ADGRL2: variants seen among roughly 807,000 people sequenced by gnomAD.
ADGRL2 encodes calcium-independent alpha-latrotoxin receptor 2.
Under a neutral mutation model 157.4 loss-of-function variants are expected in ADGRL2, and 44 were observed. That is an observed-to-expected ratio of 0.28 (90% CI 0.22 to 0.36). The LOEUF is 0.36. Among genes scored for constraint, ADGRL2 ranks in the 10% least tolerant of loss-of-function variants. The pLI is 1.00. For missense variants in ADGRL2, 1,510 were observed against 1,768.9 expected (o/e 0.85, Z 2.63); for synonymous variants, 585 against 624.7 (o/e 0.94, Z 0.95).
chr1:81,961,319 A>T (rs1240601521), intron 11 of ADGRL2, among the ~76,000 whole-genome samples: 1 of 152,128 alleles, frequency 6.6e-6, no homozygotes, highest in East Asian at 1.9e-4. Flanking sequence ...GGAAAAAGAA[A>T]ATCATAGATA....
intron 1 of ADGRL2, among the ~76,000 whole-genome samples, chr1:81,320,813 T>A (rs1284411356): frequency 1.3e-5 from 2 of 152,184 alleles, no homozygotes; most frequent in Non-Finnish European, 2.9e-5. Context: ...GCATAATTCT[T>A]AAGGGCCCTA....
At chr1:81,471,779 A>G (rs1371986844) in intron 2 of ADGRL2, among the ~76,000 whole-genome samples, 1 of 152,228 alleles carries the variant, frequency 6.6e-6, no homozygotes, top group East Asian at 1.9e-4. Context: ...AAAACTGGAT[A>G]AGACCTAAAT....
chr1:81,420,568 G>A (rs1412522006), intron 1 of ADGRL2, among the ~76,000 whole-genome samples: 1 of 152,214 alleles, frequency 6.6e-6, no homozygotes, highest in African/African-American at 2.4e-5. Flanking sequence ...TTTTGATAAT[G>A]AGTAAAGAGC....
chr1:81,726,069 G>A (rs989209296), intron 1 of ADGRL2, among the ~76,000 whole-genome samples: 15 of 152,298 alleles, frequency 9.8e-5, no homozygotes, highest in African/African-American at 3.6e-4. Context: ...CATGATCTCA[G>A]AAAGCATCTC....
chr1:81,867,872 G>T (rs950537663), intron 2 of ADGRL2, among the ~76,000 whole-genome samples: 1 of 151,794 alleles, frequency 6.6e-6, no homozygotes, highest in Non-Finnish European at 1.5e-5. Flanking sequence ...TCTTTATATC[G>T]TATGGTAACT....
intron 3 of ADGRL2, among the ~76,000 whole-genome samples, chr1:81,631,223 T>C (rs1388404209): frequency 6.6e-6 from 1 of 151,434 alleles, no homozygotes; most frequent in Non-Finnish European, 1.5e-5. Context: ...TTCTTTTCTT[T>C]TGTTTTTTTT....
intron 1 of ADGRL2, among the ~76,000 whole-genome samples, chr1:81,314,558 C>T (rs912922929): frequency 6.6e-6 from 1 of 152,180 alleles, no homozygotes; most frequent in African/African-American, 2.4e-5. Flanking sequence ...AGGTCTGGAA[C>T]AGGATATTCA....
chr1:81,614,400 A>G (rs1029818925), intron 3 of ADGRL2, among the ~76,000 whole-genome samples: 3 of 152,178 alleles, frequency 2.0e-5, no homozygotes, highest in Admixed American at 6.5e-5. Context: ...TCTCCATTCC[A>G]TGGTATAGTA....
chr1:81,383,229 C>G (rs185663761), intron 1 of ADGRL2, among the ~76,000 whole-genome samples: 1 of 152,270 alleles, frequency 6.6e-6, no homozygotes, highest in Admixed American at 6.5e-5. Context: ...TTTCATATTT[C>G]TTTTAAACTG....
At chr1:81,596,340 A>G (rs944895565) in intron 3 of ADGRL2, 122 of 538,538 alleles carry the variant, frequency 2.3e-4, no homozygotes, top group Non-Finnish European at 3.5e-4. Flanking sequence ...CTTGGTAGGC[A>G]TTCGAACTTG....
chr1:81,350,447 T>C (rs2100829506), intron 1 of ADGRL2, among the ~76,000 whole-genome samples: 1 of 152,334 alleles, frequency 6.6e-6, no homozygotes, highest in South Asian at 2.1e-4. Flanking sequence ...GTAAAAATTT[T>C]CCAAAATCAT....
intron 2 of ADGRL2, among the ~76,000 whole-genome samples, chr1:81,549,163 G>C (rs1005537118): frequency 1.7e-4 from 26 of 152,194 alleles, no homozygotes. Flanking sequence ...TTACCAAGCA[G>C]ATCCTTTTGA....
At chr1:81,771,544 G>T (rs900976423) in intron 2 of ADGRL2, among the ~76,000 whole-genome samples, 1 of 152,004 alleles carries the variant, frequency 6.6e-6, no homozygotes, top group African/African-American at 2.4e-5. Flanking sequence ...TATAACTAAA[G>T]AGGAAAAAAA....
In ADGRL2 at chr1:81,764,259, C is replaced by A. The variant is rs915048265; in HGVS notation, c.-101+2407C>A. ...AATTTTATCAAAAAATTGCTTTTAA[C>A]CTAAAATAATGTTAATAAATCGTTT... On this transcript the variant is annotated intron_variant, in intron 2 of 20. Coordinates refer to the ADGRL2 transcript ENST00000359929. Among the ~76,000 whole-genome samples, 5 of 148,764 alleles carry A rather than the reference C, an allele frequency of 3.4e-5. No homozygotes were observed. The South Asian group carries it at 8.6e-4, about 26-fold the overall frequency.
At chr1:81,571,644 A>G (rs1051023314) in intron 2 of ADGRL2, among the ~76,000 whole-genome samples, 1 of 152,038 alleles carries the variant, frequency 6.6e-6, no homozygotes, top group African/African-American at 2.4e-5. Context: ...GAGCCTCTGT[A>G]AAAACAGAGC....
intron 1 of ADGRL2, among the ~76,000 whole-genome samples, chr1:81,420,250 T>C (rs1354318160): frequency 1.3e-5 from 2 of 152,208 alleles, no homozygotes; most frequent in African/African-American, 2.4e-5. Context: ...GCATATTGGA[T>C]ACTATCCTCC....
chr1:81,956,950 T>TA (rs1314231400), intron 11 of ADGRL2, among the ~76,000 whole-genome samples: 3 of 152,044 alleles, frequency 2.0e-5, no homozygotes, highest in African/African-American at 7.2e-5. Flanking sequence ...AGACTTTATA[T>TA]AAAAAATGCA....
chr1:81,787,443 T>C (rs578007680), intron 2 of ADGRL2, among the ~76,000 whole-genome samples: 17 of 152,076 alleles, frequency 1.1e-4, no homozygotes, highest in African/African-American at 4.1e-4. Flanking sequence ...TCACCTGAGG[T>C]CAGGAGTTTC....
chr1:81,896,599 C>T (rs1224892787), intron 2 of ADGRL2, among the ~76,000 whole-genome samples: 2 of 152,034 alleles, frequency 1.3e-5, no homozygotes, highest in Non-Finnish European at 2.9e-5. Context: ...AAACTGTGGT[C>T]TTTTTGTTTC....
Sources: allele counts gnomAD v4.1 joint callset (sites outside exome capture counted in the v4.1 genomes callset), GRCh38; gene constraint gnomAD v4.1.1; transcripts MANE v1.5; gene names NCBI Gene and HGNC (gene_info 2026-07-23, HGNC 2026-07-21).